Variants in LUZP2 observed in about 807,000 individuals in gnomAD.
The protein encoded by LUZP2 is leucine zipper protein 2.
Under a neutral mutation model 51.6 loss-of-function variants are expected in LUZP2, and 52 were observed. That is an observed-to-expected ratio of 1.01 (90% CI 0.81 to 1.27). The LOEUF is 1.27. Among genes scored for constraint, LUZP2 ranks in the 50% most tolerant of loss-of-function variants. The pLI, the probability that LUZP2 is intolerant of heterozygous loss-of-function variation, is 0.00. For synonymous variants in LUZP2, 154 were observed against 137.3 expected (o/e 1.12, Z -0.85); for missense variants, 436 against 395.4 (o/e 1.10, Z -0.87).
At chr11:24,624,729 T>C (rs1348628247) in intron 1 of LUZP2, among the ~76,000 whole-genome samples, 2 of 152,202 alleles carry the variant, frequency 1.3e-5, no homozygotes, top group African/African-American at 4.8e-5. Context: ...TTATTAGCTG[T>C]GTAGTCATGG....
At chr11:24,929,524 G>T (rs1854382168) in intron 7 of LUZP2, among the ~76,000 whole-genome samples, 1 of 151,996 alleles carries the variant, frequency 6.6e-6, no homozygotes, top group South Asian at 2.1e-4. Flanking sequence ...CAATTGTATG[G>T]TGTTGAGGGT....
rs201078923 is a variant in LUZP2, at chr11:24,949,288, T to TTATCTATC, written c.523-27265_523-27258dup. Among the ~76,000 whole-genome samples the TTATCTATC allele has an allele frequency of 1.2e-3, 172 of 141,292 alleles. 1 individual carries two copies. Among genetic ancestry groups the TTATCTATC allele is most frequent in the East Asian group, 1.6e-3 (8 of 4,998 alleles). The allele number at this position is 141,292 out of a possible 152,430, so 92.7% of individuals were successfully genotyped here. On this transcript the variant is annotated intron_variant, in intron 7 of 11. Coordinates refer to ENST00000336930, the MANE Select transcript of LUZP2 (RefSeq NM_001009909.4). The stretch of plus-strand genomic sequence containing the variant: ...TCTTCCTATCTATCTATTATCTAGA[T>TTATCTATC]TATCTATCTATCTATCTATCTATCT...
chr11:25,075,947 T>C (rs895514475), intron 10 of LUZP2, among the ~76,000 whole-genome samples: 16 of 152,010 alleles, frequency 1.1e-4, no homozygotes, highest in African/African-American at 3.6e-4. Flanking sequence ...GAAATAAACT[T>C]ATTTTTTTGA....
chr11:24,757,771 T>C (rs1021351319), intron 4 of LUZP2, among the ~76,000 whole-genome samples: 1 of 152,008 alleles, frequency 6.6e-6, no homozygotes, highest in Non-Finnish European at 1.5e-5. Flanking sequence ...AAAGGCCATA[T>C]TCACAATTTG....
chr11:24,606,716 G>A (rs1853930812), intron 1 of LUZP2, among the ~76,000 whole-genome samples: 1 of 151,860 alleles, frequency 6.6e-6, no homozygotes, highest in African/African-American at 2.4e-5. Context: ...AAATTTTTGA[G>A]GAAACTTCAT....
chr11:24,807,236 GCAGAT>G (rs1181757329), intron 5 of LUZP2, among the ~76,000 whole-genome samples: 1 of 151,934 alleles, frequency 6.6e-6, no homozygotes, highest in Admixed American at 6.6e-5. Context: ...TGGGAGGTGG[GCAGAT>G]CACCTGAGGT....
At chr11:24,786,491 C>T in intron 5 of LUZP2, 2 of 976,504 alleles carry the variant, frequency 2.0e-6, no homozygotes, top group Non-Finnish European at 2.4e-6. Flanking sequence ...AACACCTTCC[C>T]CTAATGTGAA....
At chr11:25,042,972 G>T (rs1858121513) in intron 9 of LUZP2, among the ~76,000 whole-genome samples, 1 of 152,174 alleles carries the variant, frequency 6.6e-6, no homozygotes, top group Non-Finnish European at 1.5e-5. Context: ...AGTCATAATG[G>T]TGGGAGCATG....
chr11:25,018,648 C>A (rs1253242435), intron 9 of LUZP2, among the ~76,000 whole-genome samples: 2 of 142,168 alleles, frequency 1.4e-5, no homozygotes, highest in African/African-American at 5.3e-5. Context: ...CACTCTGTTG[C>A]CCAGGCTGGA....
chr11:24,816,522 C>T (rs973555798), intron 5 of LUZP2, among the ~76,000 whole-genome samples: 1 of 151,806 alleles, frequency 6.6e-6, no homozygotes, highest in Non-Finnish European at 1.5e-5. Flanking sequence ...TTAATAATAC[C>T]AATTATATAT....
chr11:24,780,514 C>T lies in LUZP2; in HGVS notation c.396+17206C>T, dbSNP rs575352295. 3.9e-5 allele frequency among the ~76,000 whole-genome samples: 6 copies of T among 152,208 alleles called. No individual in the cohort carries two copies. In the South Asian group the frequency reaches 1.2e-3, roughly 32 times the overall value. On this transcript the variant is annotated intron_variant, in intron 5 of 11. Coordinates refer to ENST00000336930, the MANE Select transcript of LUZP2 (RefSeq NM_001009909.4). ...AGGCATCTTACTCATTTACTTCACA[C>T]AAAAACTATTGAGCAGGAAATTTGC...
intron 7 of LUZP2, among the ~76,000 whole-genome samples, chr11:24,922,054 AT>A (rs141901695): frequency 9.4e-4 from 141 of 150,324 alleles, no homozygotes; most frequent in Middle Eastern, 3.4e-3. Context: ...GATATTAATT[AT>A]TTTTTTTTTA....
intron 1 of LUZP2, among the ~76,000 whole-genome samples, chr11:24,621,835 T>A: frequency 6.6e-6 from 1 of 152,114 alleles, no homozygotes; most frequent in East Asian, 1.9e-4. Context: ...AAAAGAAAAA[T>A]ACATGTGAAT....
At chr11:24,829,694 G>A (rs1394597214) in intron 5 of LUZP2, among the ~76,000 whole-genome samples, 1 of 152,120 alleles carries the variant, frequency 6.6e-6, no homozygotes, top group Non-Finnish European at 1.5e-5. Context: ...TAAAATGGAA[G>A]GAAAATGTTA....
intron 1 of LUZP2, among the ~76,000 whole-genome samples, chr11:24,684,012 A>G (rs1341058652): frequency 1.3e-5 from 2 of 152,164 alleles, no homozygotes; most frequent in East Asian, 1.9e-4. Context: ...ATATCAAAAT[A>G]TTAGTCAAAC....
At chr11:24,656,909 T>C (rs553812741) in intron 1 of LUZP2, among the ~76,000 whole-genome samples, 2 of 152,320 alleles carry the variant, frequency 1.3e-5, no homozygotes, top group Non-Finnish European at 2.9e-5. Flanking sequence ...GGGTAATCTC[T>C]TTATCTTAAT....
intron 4 of LUZP2, chr11:24,751,514 A>C: frequency 1.1e-6 from 1 of 875,386 alleles, no homozygotes; most frequent in Non-Finnish European, 1.4e-6. Flanking sequence ...TGCAGTACAA[A>C]AGCCCTGCTA....
At chr11:25,041,902 A>T (rs1206786803) in intron 9 of LUZP2, among the ~76,000 whole-genome samples, 1 of 151,762 alleles carries the variant, frequency 6.6e-6, no homozygotes, top group African/African-American at 2.4e-5. Context: ...TAGGAGGGGA[A>T]CCCCTATTGT....
intron 1 of LUZP2, among the ~76,000 whole-genome samples, chr11:24,682,112 G>A (rs1338477087): frequency 1.3e-5 from 2 of 152,130 alleles, no homozygotes; most frequent in South Asian, 2.1e-4. Flanking sequence ...AGTTAATGAC[G>A]ATTGAAAATA....
Sources: gnomAD v4.1 joint callset for allele counts (sites outside exome capture counted in the v4.1 genomes callset) on GRCh38, gnomAD v4.1.1 for gene constraint, MANE v1.5 for transcripts, NCBI Gene and HGNC (gene_info 2026-07-23, HGNC 2026-07-21) for gene names.